ESCO1: variants seen among roughly 807,000 people sequenced by gnomAD.
The protein encoded by ESCO1 is N-acetyltransferase ESCO1.
ESCO1 carries 33 observed loss-of-function variants against 83.5 expected under a neutral mutation model. That is an observed-to-expected ratio of 0.40 (90% confidence interval 0.30 to 0.53). The LOEUF (loss-of-function observed/expected upper bound fraction) is 0.53. ESCO1 is among the 20% of genes least tolerant of loss of function. The probability of loss-of-function intolerance (pLI) is 0.63; values close to 1 mark genes in which losing one functional copy is unlikely to be tolerated. For synonymous variants in ESCO1, 332 were observed against 324.3 expected, an observed-to-expected ratio of 1.02 and a Z score of -0.25; for missense variants, 855 against 968.0, an observed-to-expected ratio of 0.88 and a Z score of 1.55.
Position 21,574,820 on chromosome 18 carries a change from T to C in ESCO1, c.24A>G (p.Ser8=), listed in dbSNP as rs770759064. 11 of 1,591,722 alleles carry C rather than the reference T, an allele frequency of 6.9e-6. No individual in the cohort carries two copies. The highest frequency in any genetic ancestry group is 9.3e-6 in the Non-Finnish European group (11 of 1,177,544). The change falls in exon 4 of 12, where the codon TCA becomes TCG. Residue 8 remains serine (S), a synonymous_variant. Coordinates refer to ENST00000269214, the MANE Select transcript of ESCO1 (RefSeq NM_052911.3). The part of the protein sequence containing the change: MMSIQEK[S]KENSSKVTKK... ...TAGTAACTTTGGAGGAATTCTCTTT[T>C]GATTTCTCCTGAATGGACATCATTC...
intron 1 of ESCO1, among the ~76,000 whole-genome samples, chr18:21,585,291 T>G (rs1386510685): frequency 6.6e-6 from 1 of 152,206 alleles, no homozygotes; most frequent in Non-Finnish European, 1.5e-5. Context: ...CCAGGCTTGG[T>G]CACATGCCTT....
Position 21,573,381 on chromosome 18 carries a change from T to C in ESCO1, c.1463A>G (p.Glu488Gly), listed in dbSNP as rs1310198534. 5.6e-6 allele frequency: 9 copies of C among 1,607,004 alleles called. No homozygotes were observed. Among genetic ancestry groups the C allele is most frequent in the Non-Finnish European group, 6.8e-6 (8 of 1,178,574 alleles). The change falls in exon 4 of 12, where the codon GAG becomes GGG. Residue 488 changes from glutamate (E) to glycine (G), a missense_variant. Glu to Gly is a moderately conservative substitution (Grantham distance 98, BLOSUM62 -2). This residue lies in a region of ESCO1 where 726 missense variants were observed against 699.5 expected (regional missense o/e 1.04). Transcript: ENST00000269214. ...RAPENCHLAN[E>G]IKPSDPPLDN... ...CAATGGTGGGTCAGAAGGTTTTATC[T>C]CATTGGCCAAATGACAATTTTCAGG...
rs1431336041 is a variant in ESCO1, at chr18:21,592,734, G to C, written c.-825+7889C>G. ...CCAGACGGGGTGGCTGCCGGGCGGA[G>C]GGGCTCCTCACTTCTCAGACGGGGC... On this transcript the variant is annotated intron_variant, in intron 1 of 11. Transcript: ENST00000269214. Among the ~76,000 whole-genome samples, 845 of 150,454 alleles carry C rather than the reference G, an allele frequency of 5.6e-3. 14 individuals are homozygous for C. The highest frequency in any genetic ancestry group is 0.02 in the African/African-American group (812 of 40,478).
At chr18:21,540,464 G>T in intron 8 of ESCO1, 1 of 866,494 alleles carries the variant, frequency 1.2e-6, no homozygotes, top group Non-Finnish European at 1.4e-6. Context: ...ACCTCCAGGA[G>T]GTTTTAAATG....
chr18:21,546,377 C>A (rs569073527), intron 8 of ESCO1, among the ~76,000 whole-genome samples: 3 of 148,226 alleles, frequency 2.0e-5, no homozygotes, highest in Non-Finnish European at 4.5e-5. Flanking sequence ...CATGGTGAAA[C>A]CCTGCCTCCA....
At chr18:21,585,281 C>G (rs2038559363) in intron 1 of ESCO1, among the ~76,000 whole-genome samples, 1 of 152,132 alleles carries the variant, frequency 6.6e-6, no homozygotes, top group Admixed American at 6.6e-5. Context: ...TGAAAAGATA[C>G]CAGGCTTGGT....
intron 8 of ESCO1, among the ~76,000 whole-genome samples, chr18:21,547,099 A>G (rs2037983511): frequency 6.6e-6 from 1 of 152,154 alleles, no homozygotes; most frequent in Admixed American, 6.6e-5. Context: ...TGCTAACCCG[A>G]CTTTTCCAAT....
intron 1 of ESCO1, among the ~76,000 whole-genome samples, chr18:21,591,197 G>T (rs929904574): frequency 6.6e-6 from 1 of 152,166 alleles, no homozygotes; most frequent in African/African-American, 2.4e-5. Flanking sequence ...CCTTGTAAGA[G>T]AGTGGCACAG....
At chr18:21,548,018 C>T (rs573253333) in intron 8 of ESCO1, among the ~76,000 whole-genome samples, 8 of 152,182 alleles carry the variant, frequency 5.3e-5, no homozygotes, top group East Asian at 1.9e-4. Context: ...AGGAGAATGG[C>T]GTGAACCCAG....
In ESCO1 at chr18:21,561,228, A is replaced by T. The variant is rs76961826; in HGVS notation, c.1822-238T>A. Reference sequence around the variant, plus strand: ...TATAACAATTTTTTAAAAACTGACAAATAGCTTTAATATTACAAACTTAGT... The same window carrying T: ...TATAACAATTTTTTAAAAACTGACATATAGCTTTAATATTACAAACTTAGT... On this transcript the variant is annotated intron_variant, in intron 7 of 11. Transcript: ENST00000269214. Among the ~76,000 whole-genome samples the T allele has an allele frequency of 4.3e-3, 650 of 152,312 alleles. 8 individuals carry two copies. Among genetic ancestry groups the T allele is most frequent in the Non-Finnish European group, 5.3e-3 (361 of 68,024 alleles).
At chr18:21,546,817 G>A (rs2037980146) in intron 8 of ESCO1, among the ~76,000 whole-genome samples, 1 of 152,204 alleles carries the variant, frequency 6.6e-6, no homozygotes, top group African/African-American at 2.4e-5. Context: ...AAAGTGCTGG[G>A]ATTAAAGGTG....
At chr18:21,597,250 T>C (rs920767013) in intron 1 of ESCO1, among the ~76,000 whole-genome samples, 10 of 152,218 alleles carry the variant, frequency 6.6e-5, no homozygotes, top group Admixed American at 1.3e-4. Context: ...AACAGATTGA[T>C]AGGAAAATCC....
chr18:21,544,101 G>A (rs373561518), intron 8 of ESCO1, among the ~76,000 whole-genome samples: 1 of 151,892 alleles, frequency 6.6e-6, no homozygotes, highest in Non-Finnish European at 1.5e-5. Context: ...GTGAAACCCT[G>A]TCTCTACTAA....
intron 1 of ESCO1, among the ~76,000 whole-genome samples, chr18:21,596,184 T>C (rs2038764023): frequency 6.6e-6 from 1 of 151,420 alleles, no homozygotes. Context: ...GGCCCAGGAA[T>C]TTGAGACCAG....
chr18:21,565,996 C>A, intron 6 of ESCO1, 150 bp downstream of exon 6: 1 of 574,710 alleles, frequency 1.7e-6, no homozygotes, highest in South Asian at 2.6e-5. Flanking sequence ...CCATAGTAAA[C>A]AGTATGTATA....
intron 2 of ESCO1, among the ~76,000 whole-genome samples, chr18:21,580,010 C>T (rs1003315913): frequency 3.3e-4 from 50 of 151,528 alleles, no homozygotes; most frequent in Non-Finnish European, 6.2e-4. Flanking sequence ...ATTCTCCTGC[C>T]TCAGCCTCCT....
chr18:21,545,019 A>G (rs2037954940), intron 8 of ESCO1, among the ~76,000 whole-genome samples: 1 of 152,218 alleles, frequency 6.6e-6, no homozygotes, highest in Admixed American at 6.5e-5. Flanking sequence ...TGGAGGTGCC[A>G]GTAATGTTGC....
chr18:21,541,230 G>A (rs2037901762), intron 8 of ESCO1, among the ~76,000 whole-genome samples: 1 of 152,134 alleles, frequency 6.6e-6, no homozygotes, highest in Admixed American at 6.6e-5. Flanking sequence ...GAAAGGAGCA[G>A]AAACAATAGC....
intron 8 of ESCO1, among the ~76,000 whole-genome samples, chr18:21,555,036 CA>C (rs1291219468): frequency 3.2e-4 from 49 of 152,304 alleles, no homozygotes; most frequent in African/African-American, 1.2e-3. Context: ...ACGGAGGTTG[CA>C]GTGAGCAGAG....
Sources: gnomAD v4.1 joint callset for allele counts (sites outside exome capture counted in the v4.1 genomes callset) on GRCh38, gnomAD v4.1.1 for gene constraint, gnomAD v4.1.1 regional missense constraint, MANE v1.5 for transcripts, NCBI Gene and HGNC (gene_info 2026-07-23, HGNC 2026-07-21) for gene names.